Variants in ADAMTSL3 observed in about 807,000 individuals in gnomAD.
The protein encoded by ADAMTSL3 is ADAMTS-like protein 3.
In ADAMTSL3, 128 loss-of-function variants were observed where a neutral mutation model predicts 201.7. The observed-to-expected ratio is 0.63, with a 90% confidence interval of 0.55 to 0.73. ADAMTSL3 has a LOEUF of 0.73. Ranked by LOEUF, ADAMTSL3 falls within the 30% of genes least tolerant of loss-of-function variation. The pLI, the probability that ADAMTSL3 is intolerant of heterozygous loss-of-function variation, is 0.00. For synonymous variants in ADAMTSL3, 738 were observed against 748.4 expected, an observed-to-expected ratio of 0.99 and a Z score of 0.23; for missense variants, 1,990 against 2,119.6, an observed-to-expected ratio of 0.94 and a Z score of 1.20.
chr15:83,965,399 A>G (rs2067063181), intron 19 of ADAMTSL3, among the ~76,000 whole-genome samples: 1 of 151,982 alleles, frequency 6.6e-6, no homozygotes, highest in Non-Finnish European at 1.5e-5. Flanking sequence ...CTCTGATAAA[A>G]CAGACTTTAA....
At chr15:83,757,417 C>T (rs1297913827) in intron 3 of ADAMTSL3, among the ~76,000 whole-genome samples, 2 of 134,840 alleles carry the variant, frequency 1.5e-5, no homozygotes, top group African/African-American at 5.3e-5. Context: ...ACCTTGGCCC[C>T]TTTTAGCTGA....
intron 13 of ADAMTSL3, among the ~76,000 whole-genome samples, chr15:83,895,530 A>G (rs997630053): frequency 6.6e-6 from 1 of 152,160 alleles, no homozygotes; most frequent in Non-Finnish European, 1.5e-5. Flanking sequence ...TCAAAAATCA[A>G]ATATATTCTC....
chr15:83,898,844 A>T (rs1175310019), intron 14 of ADAMTSL3, among the ~76,000 whole-genome samples: 1 of 152,188 alleles, frequency 6.6e-6, no homozygotes, highest in Non-Finnish European at 1.5e-5. Flanking sequence ...CATTATTCAT[A>T]CAAATAGCCT....
chr15:83,887,869 G>A (rs996209348), intron 10 of ADAMTSL3, among the ~76,000 whole-genome samples: 7 of 152,188 alleles, frequency 4.6e-5, no homozygotes, highest in African/African-American at 1.4e-4. Context: ...GGGAGTGCAG[G>A]CGTGTGCCAC....
chr15:83,868,728 A>G (rs904343886), intron 8 of ADAMTSL3, among the ~76,000 whole-genome samples: 6 of 152,240 alleles, frequency 3.9e-5, no homozygotes, highest in African/African-American at 1.4e-4. Context: ...CGTACCATTT[A>G]GTGGAGAAGC....
intron 3 of ADAMTSL3, among the ~76,000 whole-genome samples, chr15:83,751,511 C>T (rs2062636318): frequency 6.6e-6 from 1 of 152,012 alleles, no homozygotes; most frequent in Non-Finnish European, 1.5e-5. Context: ...GGTGCAACAC[C>T]AAATATAAAT....
intron 10 of ADAMTSL3, among the ~76,000 whole-genome samples, chr15:83,887,921 C>A (rs1246742076): frequency 6.6e-6 from 1 of 152,068 alleles, no homozygotes; most frequent in Non-Finnish European, 1.5e-5. Context: ...AATTTTATTT[C>A]TTTGTTCTTA....
intron 2 of ADAMTSL3, among the ~76,000 whole-genome samples, chr15:83,657,863 G>C (rs2061111937): frequency 6.6e-6 from 1 of 152,196 alleles, no homozygotes; most frequent in Non-Finnish European, 1.5e-5. Flanking sequence ...GGTCAGCCCT[G>C]TGTCCCTGTC....
intron 16 of ADAMTSL3, among the ~76,000 whole-genome samples, chr15:83,916,329 A>T (rs565687200): frequency 6.6e-6 from 1 of 152,272 alleles, no homozygotes; most frequent in East Asian, 1.9e-4. Context: ...ATCCTGTAAT[A>T]ATATTATTGA....
chr15:83,819,138 C>G (rs12442790), intron 5 of ADAMTSL3, among the ~76,000 whole-genome samples: 1 of 151,494 alleles, frequency 6.6e-6, no homozygotes, highest in Non-Finnish European at 1.5e-5. Context: ...GGCGTGGTGG[C>G]GGGCGCCTGT....
intron 5 of ADAMTSL3, among the ~76,000 whole-genome samples, chr15:83,807,442 C>T (rs748126077): frequency 1.2e-4 from 18 of 151,936 alleles, no homozygotes; most frequent in Non-Finnish European, 2.1e-4. Flanking sequence ...GGTGACAGTG[C>T]GAGACTGTCT....
At chr15:83,979,611 A>G (rs1469654427) in intron 20 of ADAMTSL3, among the ~76,000 whole-genome samples, 1 of 152,240 alleles carries the variant, frequency 6.6e-6, no homozygotes, top group East Asian at 1.9e-4. Flanking sequence ...GCCATCTTGA[A>G]AAAGGCAACC....
chr15:83,759,875 C>T (rs1445533995), intron 3 of ADAMTSL3, among the ~76,000 whole-genome samples: 1 of 152,066 alleles, frequency 6.6e-6, no homozygotes, highest in Admixed American at 6.5e-5. Flanking sequence ...AGATGTTTTT[C>T]ATCCTCTTAC....
chr15:83,979,984 C>T (rs1442355483), intron 20 of ADAMTSL3, among the ~76,000 whole-genome samples: 5 of 152,180 alleles, frequency 3.3e-5, no homozygotes, highest in African/African-American at 1.2e-4. Context: ...GTCCTGGCTG[C>T]ACCCCGTAAG....
In ADAMTSL3 at chr15:83,678,335, G is replaced by T. The variant is rs576861547; in HGVS notation, c.69+22505G>T. ...CTCTTCTTTAATGGTAGGCCTTCTG[G>T]TGACAAATTCTTAGTTTTGCTTCAT... On this transcript the variant is annotated intron_variant, in intron 2 of 29. Transcript: ENST00000286744. Among the ~76,000 whole-genome samples the T allele has an allele frequency of 7.9e-5, 12 of 151,864 alleles. No homozygotes were observed. In the South Asian group the frequency reaches 2.3e-3, roughly 29 times the overall value.
At chr15:83,701,305 C>G (rs540044865) in intron 2 of ADAMTSL3, among the ~76,000 whole-genome samples, 2 of 152,270 alleles carry the variant, frequency 1.3e-5, no homozygotes, top group African/African-American at 4.8e-5. Context: ...CCCTCTACCT[C>G]CTCAGTCTTC....
At chr15:83,696,973 C>A (rs1185989714) in intron 2 of ADAMTSL3, among the ~76,000 whole-genome samples, 2 of 152,170 alleles carry the variant, frequency 1.3e-5, no homozygotes, top group Non-Finnish European at 2.9e-5. Flanking sequence ...GGCTAGGTCC[C>A]TTCACTGACC....
chr15:83,809,607 G>A (rs1454762087), intron 5 of ADAMTSL3, among the ~76,000 whole-genome samples: 1 of 152,134 alleles, frequency 6.6e-6, no homozygotes, highest in Non-Finnish European at 1.5e-5. Context: ...ACTCGTTACT[G>A]TCTTGGTAAA....
chr15:83,776,732 G>A (rs980358624), intron 4 of ADAMTSL3, among the ~76,000 whole-genome samples: 2 of 152,022 alleles, frequency 1.3e-5, no homozygotes, highest in South Asian at 2.1e-4. Flanking sequence ...AAAAAAAATT[G>A]TGTTAAGAAA....
Sources: gnomAD v4.1 joint callset for allele counts (sites outside exome capture counted in the v4.1 genomes callset) on GRCh38, gnomAD v4.1.1 for gene constraint, MANE v1.5 for transcripts, NCBI Gene and HGNC (gene_info 2026-07-23, HGNC 2026-07-21) for gene names.